Variants in ELP2 observed in about 807,000 individuals in gnomAD.
The protein encoded by ELP2 is elongator acetyltransferase complex subunit 2.
ELP2 carries 90 observed loss-of-function variants against 119.2 expected under a neutral mutation model. The ratio of observed to expected loss-of-function variants is 0.75; its 90% CI spans 0.64 to 0.90. ELP2 has a LOEUF of 0.90. Among genes scored for constraint, ELP2 ranks in the 40% least tolerant of loss-of-function variants. The probability of loss-of-function intolerance (pLI) is 0.00; values close to 1 mark genes in which losing one functional copy is unlikely to be tolerated. For missense variants in ELP2, 921 were observed against 967.8 expected (o/e 0.95, Z 0.64); for synonymous variants, 339 against 331.0 (o/e 1.02, Z -0.26).
chr18:36,172,494 CATTATA>C (rs1420265553), intron 21 of ELP2, among the ~76,000 whole-genome samples: 3 of 152,186 alleles, frequency 2.0e-5, no homozygotes, highest in Middle Eastern at 3.2e-3. Context: ...TGTTAGTGCT[CATTATA>C]ATTATATTTA....
intron 12 of ELP2, among the ~76,000 whole-genome samples, chr18:36,156,089 G>T (rs905636640): frequency 3.3e-5 from 5 of 152,138 alleles, no homozygotes; most frequent in Non-Finnish European, 7.3e-5. Flanking sequence ...CTGCTATGTG[G>T]TAGAGAAAAT....
chr18:36,149,433 A>G (rs2090316098), intron 11 of ELP2, among the ~76,000 whole-genome samples: 3 of 148,210 alleles, frequency 2.0e-5, no homozygotes, highest in South Asian at 4.4e-4. Flanking sequence ...GTCATGCCTT[A>G]GGAATTTTGA....
chr18:36,136,452 G>A, intron 3 of ELP2, 75 bp downstream of exon 3: 8 of 1,224,888 alleles, frequency 6.5e-6, no homozygotes, highest in Non-Finnish European at 9.7e-6. Flanking sequence ...GTTTCACTCT[G>A]TCACCCAGGC....
chr18:36,173,612 C>G (rs2091146775), intron 21 of ELP2, among the ~76,000 whole-genome samples: 1 of 152,164 alleles, frequency 6.6e-6, no homozygotes, highest in South Asian at 2.1e-4. Flanking sequence ...CATCTTGTTG[C>G]ATAGGTTCAG....
At chr18:36,160,826 G>A (rs952882713) in intron 16 of ELP2, 106 bp from the exon 17 acceptor site, 7 of 744,592 alleles carry the variant, frequency 9.4e-6, no homozygotes, top group African/African-American at 8.7e-5. Flanking sequence ...TAAAAGAATT[G>A]TATATTAGCT....
At chr18:36,168,817 A>G (rs1442656998) in intron 19 of ELP2, among the ~76,000 whole-genome samples, 3 of 151,650 alleles carry the variant, frequency 2.0e-5, no homozygotes, top group East Asian at 3.9e-4. Flanking sequence ...ATTCTCTGAA[A>G]TGTACTTCTT....
chr18:36,177,058 T>C lies in ELP2; in HGVS notation c.*2417T>C, dbSNP rs2091240561. The C allele has an allele frequency of 6.6e-6, 1 of 152,208 alleles. No homozygotes were observed. The highest frequency in any genetic ancestry group is 2.1e-4 in the South Asian group (1 of 4,828). The allele number at this position is 152,208 out of a possible 1,614,324, so 9.4% of individuals were successfully genotyped here. ...TGACTTGGAAAAAAACAATGAACGC[T>C]GGTCATTGATATGTATACTGACATG... On this transcript the variant is annotated 3_prime_UTR_variant, in exon 22 of 22. Transcript: ENST00000358232.
rs777460157 is a variant in ELP2, at chr18:36,141,185, C to T, written c.572C>T (p.Ala191Val). The change falls in exon 6 of 22, where the codon GCT becomes GTT. Residue 191 changes from alanine to valine, a missense_variant. Coordinates refer to ENST00000358232, the MANE Select transcript of ELP2 (RefSeq NM_018255.4). Reference sequence around the variant, plus strand: ...GATGATTGCAGAATTCACATATTTGCTCAACAAAATGATCAGGTAATAATG... The same window carrying T: ...GATGATTGCAGAATTCACATATTTGTTCAACAAAATGATCAGGTAATAATG... The part of the protein sequence containing the change: ...GNDDCRIHIF[A>V]QQNDQFQKVL... 3.7e-6 allele frequency: 6 copies of T among 1,613,136 alleles called. No individual in the cohort carries two copies. In the South Asian group the frequency reaches 5.5e-5, roughly 15 times the overall value.
intron 1 of ELP2, among the ~76,000 whole-genome samples, chr18:36,130,452 A>G (rs1461396720): frequency 1.3e-5 from 2 of 152,176 alleles, no homozygotes; most frequent in East Asian, 1.9e-4. Context: ...CACAGGTGCA[A>G]TCTCATTTCA....
chr18:36,137,944 G>A (rs2089889246), intron 3 of ELP2, among the ~76,000 whole-genome samples: 1 of 152,022 alleles, frequency 6.6e-6, no homozygotes, highest in South Asian at 2.1e-4. Flanking sequence ...TGCTTATGTA[G>A]TAATGCTGTC....
chr18:36,135,027 T>C (rs2089777626), intron 2 of ELP2, among the ~76,000 whole-genome samples: 1 of 152,216 alleles, frequency 6.6e-6, no homozygotes, highest in South Asian at 2.1e-4. Context: ...GTTAGGTCAA[T>C]AAAAATCATT....
intron 11 of ELP2, among the ~76,000 whole-genome samples, chr18:36,152,000 C>T (rs997116617): frequency 6.6e-6 from 1 of 151,506 alleles, no homozygotes; most frequent in Non-Finnish European, 1.5e-5. Flanking sequence ...ACCCACCTTC[C>T]TCAGCCTCCC....
At position 36,174,631 on chromosome 18, in the gene ELP2, G is replaced by C. The variant is rs372983928; in HGVS notation, c.2471G>C (p.Cys824Ser). The C allele has an allele frequency of 1.2e-6, 2 of 1,613,940 alleles. No individual in the cohort carries two copies. Among genetic ancestry groups the C allele is most frequent in the African/African-American group, 2.7e-5 (2 of 74,910 alleles). Residue 824 changes from cysteine (C) to serine (S), a missense_variant, in exon 22 of 22, where the codon TGT becomes TCT. Transcript: ENST00000358232. The stretch of plus-strand genomic sequence containing the variant: ...GTGAAGATACACAGAGTCAATAAAT[G>C]TGCACTGTAATGGACTTAATAACTA... ...HTVKIHRVNKCAL is the reference protein window; with the variant it reads ...HTVKIHRVNKSAL
intron 11 of ELP2, among the ~76,000 whole-genome samples, chr18:36,153,110 C>T (rs1243463149): frequency 2.0e-5 from 3 of 152,200 alleles, no homozygotes; most frequent in Non-Finnish European, 4.4e-5. Context: ...CCCTCTTGTA[C>T]TTTCATTTTA....
In ELP2 at chr18:36,154,940, G is replaced by A; in HGVS notation, c.1216G>A (p.Val406Ile). The change falls in exon 12 of 22, where the codon GTT becomes ATT. Residue 406 changes from valine (V) to isoleucine (I), a missense_variant. By Grantham distance (29) the Val-to-Ile change is conservative (BLOSUM62 3). Coordinates refer to ENST00000358232, the MANE Select transcript of ELP2 (RefSeq NM_018255.4). ...WDPEGEFIIT[V>I]GTDQTTRLFA... Reference sequence around the variant, plus strand: ...TCCAGAAGGAGAATTTATTATCACTGTTGGTACTGATCAGACAACTAGACT... The same window carrying A: ...TCCAGAAGGAGAATTTATTATCACTATTGGTACTGATCAGACAACTAGACT... The A allele has an allele frequency of 6.2e-7, 1 of 1,614,028 alleles. No homozygotes were observed. Among genetic ancestry groups the A allele is most frequent in the Middle Eastern group, 1.7e-4 (1 of 6,060 alleles).
chr18:36,138,121 A>C, intron 3 of ELP2, 149 bp from the exon 4 acceptor site: 1 of 700,486 alleles, frequency 1.4e-6, no homozygotes. Context: ...GTGTGTTGTT[A>C]ACATGGTCAG....
intron 11 of ELP2, 136 bp downstream of exon 11, chr18:36,146,517 GAC>G: frequency 6.4e-6 from 6 of 934,340 alleles, no homozygotes; most frequent in African/African-American, 1.7e-5. Flanking sequence ...TTTTTCTGTA[GAC>G]ATTGTTAAGG....
chr18:36,166,807 T>C (rs889664487), intron 18 of ELP2: 1 of 218,856 alleles, frequency 4.6e-6, no homozygotes, highest in Non-Finnish European at 8.9e-6. Flanking sequence ...GCTAAATAGC[T>C]TCAGGCTTCT....
At chr18:36,130,713 A>T (rs956241845) in intron 1 of ELP2, among the ~76,000 whole-genome samples, 17 of 152,304 alleles carry the variant, frequency 1.1e-4, no homozygotes, top group African/African-American at 4.1e-4. Flanking sequence ...GCTCCCCGGA[A>T]TTCATTATAA....
Sources: allele counts gnomAD v4.1 joint callset (sites outside exome capture counted in the v4.1 genomes callset), GRCh38; gene constraint gnomAD v4.1.1; transcripts MANE v1.5; gene names NCBI Gene and HGNC (gene_info 2026-07-23, HGNC 2026-07-21).